UBA6: variants seen among roughly 807,000 people sequenced by gnomAD.
The protein encoded by UBA6 is ubiquitin-like modifier-activating enzyme 6.
In UBA6, 87 loss-of-function variants were observed where a neutral mutation model predicts 148.3. The observed-to-expected ratio is 0.59, with a 90% confidence interval of 0.49 to 0.70. The LOEUF (loss-of-function observed/expected upper bound fraction) is 0.70, where lower values mean the gene tolerates loss of function less well. UBA6 is among the 30% of genes least tolerant of loss of function. The pLI, the probability that UBA6 is intolerant of heterozygous loss-of-function variation, is 0.00. For synonymous variants in UBA6, 376 were observed against 401.0 expected (o/e 0.94, Z 0.75); for missense variants, 1,186 against 1,241.2 (o/e 0.96, Z 0.67).
intron 2 of UBA6, among the ~76,000 whole-genome samples, chr4:67,685,613 T>C (rs549039016): frequency 1.3e-5 from 2 of 152,306 alleles, no homozygotes; most frequent in African/African-American, 4.8e-5. Flanking sequence ...GTTTGTGTGT[T>C]GGAAACTTAA....
chr4:67,654,800 T>A (rs1435390592), intron 13 of UBA6, among the ~76,000 whole-genome samples: 1 of 148,956 alleles, frequency 6.7e-6, no homozygotes, highest in Non-Finnish European at 1.5e-5. Context: ...CCATCTCACG[T>A]GCAAAGAGGC....
intron 32 of UBA6, among the ~76,000 whole-genome samples, chr4:67,620,584 G>A (rs150383804): frequency 7.9e-5 from 12 of 152,324 alleles, no homozygotes; most frequent in Admixed American, 7.2e-4. Context: ...GTAGGCCAGT[G>A]TAGCTGGAAT....
chr4:67,626,773 A>C (rs1728879373), intron 27 of UBA6, among the ~76,000 whole-genome samples: 1 of 151,964 alleles, frequency 6.6e-6, no homozygotes, highest in Non-Finnish European at 1.5e-5. Context: ...TTTAATACCC[A>C]CAATGATACA....
chr4:67,623,372 A>G, intron 30 of UBA6, 150 bp from the exon 31 acceptor site: 1 of 602,674 alleles, frequency 1.7e-6, no homozygotes, highest in Non-Finnish European at 3.0e-6. Context: ...TATATCTTCT[A>G]AAATATTCCA....
At chr4:67,650,254 TTATAAA>T (rs1316260397) in intron 13 of UBA6, among the ~76,000 whole-genome samples, 2 of 152,182 alleles carry the variant, frequency 1.3e-5, no homozygotes, top group Non-Finnish European at 1.5e-5. Flanking sequence ...AAAATAATCC[TTATAAA>T]TATAATTTCT....
rs34031669 is a variant in UBA6 at position 67,627,937 on chromosome 4, CTTT to C, written c.2400+1131_2400+1133del. On this transcript the variant is annotated intron_variant, in intron 27 of 32. Transcript: ENST00000322244. ...CCATCTTTACCAATACTCCCTATTG[CTTT>C]TTTTTTTTTTTTTCAATGTATTTGC... Among the ~76,000 whole-genome samples the C allele has an allele frequency of 6.2e-3, 841 of 135,186 alleles. 9 individuals are homozygous for C. The highest frequency in any genetic ancestry group is 5.6e-3 in the Non-Finnish European group (352 of 63,072). 88.7% of individuals were successfully genotyped at this position (135,186 alleles called of 152,430 possible).
At chr4:67,629,714 C>T (rs1168149170) in intron 26 of UBA6, among the ~76,000 whole-genome samples, 1 of 151,996 alleles carries the variant, frequency 6.6e-6, no homozygotes, top group Non-Finnish European at 1.5e-5. Flanking sequence ...TAAATTACCA[C>T]TGATTTTCCC....
chr4:67,643,847 A>C (rs1449078874), intron 17 of UBA6, among the ~76,000 whole-genome samples: 2 of 152,084 alleles, frequency 1.3e-5, no homozygotes, highest in Non-Finnish European at 2.9e-5. Context: ...ATGAATTTCC[A>C]AGGAGTTAAA....
intron 6 of UBA6, among the ~76,000 whole-genome samples, chr4:67,676,672 C>G (rs931642393): frequency 2.0e-5 from 3 of 152,174 alleles, no homozygotes; most frequent in Non-Finnish European, 2.9e-5. Context: ...CAGGCAACTC[C>G]TGTCGCTAAG....
At chr4:67,677,555 T>C (rs1205235437) in intron 6 of UBA6, 56 bp downstream of exon 6, 3 of 874,440 alleles carry the variant, frequency 3.4e-6, no homozygotes, top group Non-Finnish European at 5.4e-6. Flanking sequence ...TATTAATATT[T>C]AACAATTTTG....
chr4:67,660,561 G>C (rs1729823453), intron 13 of UBA6, among the ~76,000 whole-genome samples: 1 of 152,208 alleles, frequency 6.6e-6, no homozygotes, highest in African/African-American at 2.4e-5. Context: ...CCTCTGCCTA[G>C]CTTTTAGAGG....
At chr4:67,694,553 A>ACACCCG (rs71219068) in intron 2 of UBA6, among the ~76,000 whole-genome samples, 30,352 of 151,198 alleles carry the variant, frequency 0.2, 3,262 homozygotes, top group Middle Eastern at 0.29. Flanking sequence ...CACCGCCACC[A>ACACCCG]CACCCGGCTA....
chr4:67,634,791 T>C (rs998146283), intron 20 of UBA6, among the ~76,000 whole-genome samples: 1 of 152,104 alleles, frequency 6.6e-6, no homozygotes, highest in African/African-American at 2.4e-5. Flanking sequence ...TGACACACCA[T>C]CATCTATAAA....
At chr4:67,628,185 T>C (rs1728915552) in intron 27 of UBA6, among the ~76,000 whole-genome samples, 1 of 151,882 alleles carries the variant, frequency 6.6e-6, no homozygotes, top group African/African-American at 2.4e-5. Flanking sequence ...CACTGGACAA[T>C]TATTTCATAC....
chr4:67,645,353 C>G (rs1012781461), intron 16 of UBA6, among the ~76,000 whole-genome samples: 2 of 152,160 alleles, frequency 1.3e-5, no homozygotes, highest in African/African-American at 4.8e-5. Context: ...GTAATCCCAG[C>G]ACTTTGGGAA....
At chr4:67,640,850 G>C (rs373517939) in intron 18 of UBA6, among the ~76,000 whole-genome samples, 2 of 152,024 alleles carry the variant, frequency 1.3e-5, no homozygotes, top group Non-Finnish European at 2.9e-5. Flanking sequence ...CCTCAAATTA[G>C]AAACATATTT....
At chr4:67,633,001 ACCT>A (rs1430686677) in intron 23 of UBA6, among the ~76,000 whole-genome samples, 1 of 151,992 alleles carries the variant, frequency 6.6e-6, no homozygotes, top group Non-Finnish European at 1.5e-5. Context: ...GCTTTGTGTT[ACCT>A]CCTTTTATCT....
chr4:67,656,768 A>G (rs947248111), intron 13 of UBA6, among the ~76,000 whole-genome samples: 1 of 152,224 alleles, frequency 6.6e-6, no homozygotes, highest in Non-Finnish European at 1.5e-5. Flanking sequence ...ACCTGATTGT[A>G]TATTTAGAAA....
At chr4:67,700,664 T>C (rs1032765659) in intron 1 of UBA6, among the ~76,000 whole-genome samples, 2 of 152,140 alleles carry the variant, frequency 1.3e-5, no homozygotes, top group Non-Finnish European at 2.9e-5. Flanking sequence ...GTGGCGCTCC[T>C]AGCTTTCTTT....
Sources: allele counts gnomAD v4.1 joint callset (sites outside exome capture counted in the v4.1 genomes callset), GRCh38; gene constraint gnomAD v4.1.1; transcripts MANE v1.5; gene names NCBI Gene and HGNC (gene_info 2026-07-23, HGNC 2026-07-21).